The following DAGLB variants were observed in gnomAD, a reference collection of about 807,000 sequenced individuals.
DAGLB encodes diacylglycerol lipase beta.
A neutral mutation model predicts 72.1 loss-of-function variants in DAGLB; 66 were observed. The observed-to-expected ratio is 0.92, with a 90% confidence interval of 0.75 to 1.12. DAGLB has a LOEUF of 1.12. DAGLB is among the 50% of genes most tolerant of loss of function. The pLI is 0.00. For missense variants in DAGLB, 1,065 were observed against 884.9 expected, an observed-to-expected ratio of 1.20 and a Z score of -2.58; for synonymous variants, 414 against 359.5, an observed-to-expected ratio of 1.15 and a Z score of -1.71.
chr7:6,411,958 C>G (rs903142768), intron 13 of DAGLB, among the ~76,000 whole-genome samples: 10 of 116,404 alleles, frequency 8.6e-5, no homozygotes, highest in African/African-American at 4.3e-4. Context: ...GAGCCTCACT[C>G]TATCCAACAG....
In DAGLB at chr7:6,446,019, C is replaced by T. The variant is rs766304974; in HGVS notation, c.181G>A (p.Val61Ile). Reference protein sequence around the residue: ...GGALLSSYLIVLMILLAVVIC... With the variant: ...GGALLSSYLIILMILLAVVIC... ...ACAACTGCCAGGAGAATCATGAGGA[C>T]GATCAAGTAACTGCTGAGCAAGGCT... The change falls in exon 2 of 15, where the codon GTC (valine) becomes ATC (isoleucine). Residue 61 changes from valine to isoleucine, a missense_variant. Physicochemically the swap from Val to Ile is conservative, Grantham distance 29 (BLOSUM62 3). Coordinates refer to ENST00000297056, the MANE Select transcript of DAGLB (RefSeq NM_139179.4). 2.6e-5 allele frequency: 42 copies of T among 1,613,258 alleles called. No individual in the cohort carries two copies. Among genetic ancestry groups the T allele is most frequent in the Middle Eastern group, 1.6e-4 (1 of 6,084 alleles).
chr7:6,447,391 G>A (rs549356239), intron 1 of DAGLB, among the ~76,000 whole-genome samples: 329 of 152,310 alleles, frequency 2.2e-3, no homozygotes, highest in African/African-American at 7.7e-3. Context: ...CTCAAGAAAG[G>A]AGAACTCGAG....
At position 6,447,707 on chromosome 7, in the gene DAGLB, T is replaced by G. The variant is rs371506509; in HGVS notation, c.95+41A>C. 7.4e-5 allele frequency: 118 copies of G among 1,594,008 alleles called. No individual in the cohort carries two copies. The East Asian group carries it at 9.5e-4, about 13-fold the overall frequency. On this transcript the variant is annotated intron_variant, in intron 1 of 14. Coordinates refer to ENST00000297056, the MANE Select transcript of DAGLB (RefSeq NM_139179.4). ...AAGGGACAGCTCGCCCCCCGCTCCC[T>G]CTCCGGTGGGCTCCACCGCCCCCGT...
In DAGLB at chr7:6,409,877, G is replaced by C. The variant is rs1165053137; in HGVS notation, c.1979C>G (p.Ser660Cys). The C allele has an allele frequency of 3.0e-5, 49 of 1,613,938 alleles. No homozygotes were observed. The highest frequency in any genetic ancestry group is 6.7e-5 in the East Asian group (3 of 44,892). The change falls in exon 15 of 15, where the codon TCC becomes TGC. Residue 660 changes from serine to cysteine, a missense_variant. Transcript: ENST00000297056. ...SVVSDRAACV[S>C]CPAQGVSSVD... ...ACTGGAGACCCCTTGTGCTGGACAG[G>C]AGACGCAGGCCGCTCTGTCGGAGAC... is the stretch of plus-strand genomic sequence containing the variant.
chr7:6,421,897 G>A, intron 8 of DAGLB, 93 bp from the exon 9 acceptor site: 1 of 1,329,068 alleles, frequency 7.5e-7, no homozygotes, highest in Non-Finnish European at 1.1e-6. Flanking sequence ...CTTCTGTGGA[G>A]GATGGCGGGG....
chr7:6,446,185 G>A (rs1784993920), intron 1 of DAGLB, 81 bp from the exon 2 acceptor site: 2 of 1,448,704 alleles, frequency 1.4e-6, no homozygotes, highest in Admixed American at 2.6e-5. Context: ...GAAATAAAAG[G>A]GGACAGGGCG....
Position 6,432,853 on chromosome 7 carries a change from G to A in DAGLB, c.785C>T (p.Ala262Val), listed in dbSNP as rs200152436. 2.4e-5 allele frequency: 38 copies of A among 1,613,764 alleles called. 1 individual carries two copies. The African/African-American group carries it at 4.1e-4, about 18-fold the overall frequency. The change falls in exon 5 of 15, where the codon GCC (alanine) becomes GTC (valine). Residue 262 changes from alanine to valine, a missense_variant. Ala to Val is a moderately conservative substitution (Grantham distance 64, BLOSUM62 0). Coordinates refer to ENST00000297056, the MANE Select transcript of DAGLB (RefSeq NM_139179.4). ...CAGGCTCACCTGGGAGCTCCCTGGG[G>A]CATGGCAGACCACCTGGGCAGGCTC... ...NQEPAQVVCHAPGSSQEADLD... is the reference protein window; with the variant it reads ...NQEPAQVVCHVPGSSQEADLD...
chr7:6,446,625 G>A (rs907561810), intron 1 of DAGLB, among the ~76,000 whole-genome samples: 5 of 151,852 alleles, frequency 3.3e-5, no homozygotes, highest in African/African-American at 9.7e-5. Context: ...TGAACTCCTG[G>A]CTTCAAGTGA....
chr7:6,423,168 CTT>C (rs2115259996), intron 8 of DAGLB, among the ~76,000 whole-genome samples: 1 of 152,274 alleles, frequency 6.6e-6, no homozygotes, highest in South Asian at 2.1e-4. Context: ...AGGAGGATCA[CTT>C]GAGCCCAAGA....
chr7:6,438,191 C>T lies in DAGLB; in HGVS notation c.248-1658G>A, dbSNP rs555503702. 5.0e-5 allele frequency among the ~76,000 whole-genome samples: 7 copies of T among 138,808 alleles called. No individual in the cohort carries two copies. In the East Asian group the frequency reaches 1.5e-3, roughly 30 times the overall value. 91.1% of individuals were successfully genotyped at this position (138,808 alleles called of 152,430 possible). On this transcript the variant is annotated intron_variant, in intron 2 of 14. Coordinates refer to ENST00000297056, the MANE Select transcript of DAGLB (RefSeq NM_139179.4). The stretch of plus-strand genomic sequence containing the variant: ...ACACAGGGTGGGGAACATCACACAC[C>T]GGGGCCTGTAGTTGGGTGGGGGAGG...
At chr7:6,438,700 A>G (rs1784738615) in intron 2 of DAGLB, among the ~76,000 whole-genome samples, 1 of 152,216 alleles carries the variant, frequency 6.6e-6, no homozygotes. Context: ...TACACAGACA[A>G]GGAATCAAGA....
At position 6,426,094 on chromosome 7, in the gene DAGLB, T is replaced by C; in HGVS notation, c.950A>G (p.Asp317Gly). 1 of 1,613,798 alleles carries C rather than the reference T, an allele frequency of 6.2e-7. No homozygotes were observed. The highest frequency in any genetic ancestry group is 8.5e-7 in the Non-Finnish European group (1 of 1,179,936). The change falls in exon 7 of 15, where the codon GAC becomes GGC. Residue 317 changes from aspartate (D) to glycine (G), a missense_variant. Physicochemically the swap from Asp to Gly is moderately conservative, Grantham distance 94 (BLOSUM62 -1). Coordinates refer to ENST00000297056, the MANE Select transcript of DAGLB (RefSeq NM_139179.4). Reference sequence around the variant, plus strand: ...CTGATCGCCTCCGACCAAGTCATAGTCTGTGGTTCTGCTTCTGCAGCTAAA... The same window carrying C: ...CTGATCGCCTCCGACCAAGTCATAGCCTGTGGTTCTGCTTCTGCAGCTAAA... ...GGDCCRSRTTDYDLVGGDQLN... is the reference protein window; with the variant it reads ...GGDCCRSRTTGYDLVGGDQLN...
At chr7:6,440,422 A>C (rs1187233685) in intron 2 of DAGLB, among the ~76,000 whole-genome samples, 1 of 151,994 alleles carries the variant, frequency 6.6e-6, no homozygotes, top group Non-Finnish European at 1.5e-5. Context: ...ATTGAGCTAC[A>C]GAAGAAGAGG....
intron 7 of DAGLB, 133 bp downstream of exon 7, chr7:6,425,855 A>G: frequency 7.0e-7 from 1 of 1,434,444 alleles, no homozygotes; most frequent in African/African-American, 1.4e-5. Flanking sequence ...CCCCTCTGAA[A>G]TAGTACACAG....
intron 9 of DAGLB, 97 bp from the exon 10 acceptor site, chr7:6,417,018 GTC>G (rs1258060968): frequency 8.0e-6 from 11 of 1,366,616 alleles, no homozygotes; most frequent in Non-Finnish European, 1.1e-5. Context: ...TGATGTGTGA[GTC>G]TCTCCTGGGA....
intron 2 of DAGLB, among the ~76,000 whole-genome samples, chr7:6,440,372 C>T (rs933327397): frequency 2.8e-5 from 4 of 144,322 alleles, no homozygotes; most frequent in African/African-American, 5.4e-5. Context: ...GACTCAAAAG[C>T]GAAACTCCGT....
chr7:6,416,412 G>T, intron 11 of DAGLB: 1 of 501,480 alleles, frequency 2.0e-6, no homozygotes, highest in Non-Finnish European at 3.3e-6. Context: ...GCATGCTGGC[G>T]GGTGTCTGTA....
chr7:6,433,099 G>T, intron 4 of DAGLB, 140 bp from the exon 5 acceptor site: 1 of 1,305,874 alleles, frequency 7.7e-7, no homozygotes, highest in Non-Finnish European at 1.0e-6. Flanking sequence ...TAAAAAGACT[G>T]CTCCTGGCAG....
At chr7:6,422,652 C>T (rs923213282) in intron 8 of DAGLB, 1 of 153,038 alleles carries the variant, frequency 6.5e-6, no homozygotes. Flanking sequence ...GCAAACACCG[C>T]ATGGTCTGAT....
Sources: gnomAD v4.1 joint callset for allele counts (sites outside exome capture counted in the v4.1 genomes callset) on GRCh38, gnomAD v4.1.1 for gene constraint, MANE v1.5 for transcripts, NCBI Gene and HGNC (gene_info 2026-07-23, HGNC 2026-07-21) for gene names.